The following ICA1 variants were observed in gnomAD, a reference collection of about 807,000 sequenced individuals.
ICA1 encodes the protein 69 kDa islet cell autoantigen.
In ICA1, 40 loss-of-function variants were observed where a neutral mutation model predicts 71.0. The observed-to-expected ratio is 0.56, with a 90% CI of 0.44 to 0.73. The LOEUF is 0.73. Among genes scored for constraint, ICA1 ranks in the 30% least tolerant of loss-of-function variants. ICA1 has a pLI of 0.00. For synonymous variants in ICA1, 207 were observed against 209.5 expected (o/e 0.99, Z 0.10); for missense variants, 578 against 576.5 (o/e 1.00, Z -0.03).
intron 1 of ICA1, among the ~76,000 whole-genome samples, chr7:8,260,066 A>G (rs1272281949): frequency 6.6e-6 from 1 of 152,120 alleles, no homozygotes; most frequent in Non-Finnish European, 1.5e-5. Context: ...TCAACCAACG[A>G]AGAGGAAAAA....
chr7:8,246,069 C>T lies in ICA1; in HGVS notation c.-79-10064G>A, dbSNP rs576788353. On this transcript the variant is annotated intron_variant, in intron 1 of 13. Transcript: ENST00000402384. ...TGCCACAAGGCCCTTATGAAACAAGCCCAGAAAGAATGGTGTCACATCTCC... is the reference window on the plus strand; with the variant it reads ...TGCCACAAGGCCCTTATGAAACAAGTCCAGAAAGAATGGTGTCACATCTCC... 3.5e-4 allele frequency among the ~76,000 whole-genome samples: 54 copies of T among 152,254 alleles called. 1 individual carries two copies. The highest frequency in any genetic ancestry group is 3.2e-3 in the Admixed American group (49 of 15,302).
chr7:8,233,255 C>T (rs1800820348), intron 2 of ICA1, among the ~76,000 whole-genome samples: 1 of 152,160 alleles, frequency 6.6e-6, no homozygotes, highest in Non-Finnish European at 1.5e-5. Context: ...CTCACAGAAG[C>T]AGAGAGTAGA....
chr7:8,142,037 G>C, intron 9 of ICA1: 1 of 1,453,544 alleles, frequency 6.9e-7, no homozygotes, highest in Non-Finnish European at 9.2e-7. Context: ...TCATCTCGAG[G>C]CAAATATTCT....
At position 8,218,513 on chromosome 7, in the gene ICA1, A is replaced by G; in HGVS notation, c.381-10T>C. The G allele has an allele frequency of 1.9e-6, 3 of 1,613,412 alleles. No homozygotes were observed. Among genetic ancestry groups the G allele is most frequent in the Non-Finnish European group, 2.5e-6 (3 of 1,179,384 alleles). On this transcript the variant is annotated splice_polypyrimidine_tract_variant and intron_variant, in intron 5 of 13. Coordinates refer to ENST00000402384, the MANE Select transcript of ICA1 (RefSeq NM_001136020.3). ...ATTTCGTAAGGCCAACCTAGACAAG[A>G]GGACAAAGCCACACTCTCAAAACTA... is the stretch of plus-strand genomic sequence containing the variant.
At chr7:8,209,044 AC>A (rs1256547552) in intron 6 of ICA1, among the ~76,000 whole-genome samples, 9 of 152,202 alleles carry the variant, frequency 5.9e-5, no homozygotes, top group Non-Finnish European at 1.3e-4. Context: ...TGCATGTGCC[AC>A]CCAATACACC....
Position 8,157,697 on chromosome 7 carries a change from T to TTTC in ICA1, c.706-484_706-483insGAA, listed in dbSNP as rs1282391520. The TTTC allele has an allele frequency of 6.6e-4, 91 of 137,624 alleles. 11 individuals are homozygous for TTTC. Among genetic ancestry groups the TTTC allele is most frequent in the African/African-American group, 1.3e-3 (46 of 36,210 alleles). The allele number at this position is 137,624 out of a possible 1,614,324, so 8.5% of individuals were successfully genotyped here. A position where few individuals can be genotyped will look rare whatever the true frequency, so the allele number is the denominator to read the frequency against. On this transcript the variant is annotated intron_variant, in intron 7 of 13. Transcript: ENST00000402384. ...TGAAGACAAGGAACCTAGTCTTAAT[T>TTTC]TTTTTTTTTTTTTTTGAGATGGAGT...
In ICA1 at chr7:8,128,018, G is replaced by T; in HGVS notation, c.1185C>A (p.Ala395=). Residue 395 remains alanine, a synonymous_variant, in exon 13 of 14, where the codon GCC becomes GCA. Coordinates refer to ENST00000402384, the MANE Select transcript of ICA1 (RefSeq NM_001136020.3). ...LEEGEFSKEW[A]AVFGDGQVKE... ...TCACTTGGCCGTCTCCAAACACAGC[G>T]GCCCACTCTTTGCTGAACTCGCCCT... 6.2e-7 allele frequency: 1 copy of T among 1,614,152 alleles called. No individual in the cohort carries two copies. Among genetic ancestry groups the T allele is most frequent in the Non-Finnish European group, 8.5e-7 (1 of 1,180,036 alleles).
intron 6 of ICA1, among the ~76,000 whole-genome samples, chr7:8,214,952 C>T (rs937822994): frequency 6.6e-6 from 1 of 152,214 alleles, no homozygotes; most frequent in Admixed American, 6.5e-5. Flanking sequence ...ACCACGGAAT[C>T]TGGTAGAGGT....
chr7:8,187,671 T>C (rs749068450), intron 6 of ICA1, among the ~76,000 whole-genome samples: 4 of 152,246 alleles, frequency 2.6e-5, no homozygotes, highest in African/African-American at 4.8e-5. Context: ...GTAATAATTC[T>C]TGTCATAAAG....
At chr7:8,161,682 T>G (rs560548480) in intron 6 of ICA1, among the ~76,000 whole-genome samples, 2 of 152,180 alleles carry the variant, frequency 1.3e-5, no homozygotes, top group Admixed American at 1.3e-4. Context: ...GAGAGACCAG[T>G]TGTCCCAGCA....
intron 2 of ICA1, among the ~76,000 whole-genome samples, 176 bp from the exon 3 acceptor site, chr7:8,232,931 C>T (rs1053078962): frequency 3.9e-5 from 6 of 152,210 alleles, no homozygotes; most frequent in African/African-American, 1.4e-4. Flanking sequence ...TCAACTCTTT[C>T]TGACTCAAAA....
At chr7:8,191,245 C>G (rs1374885481) in intron 6 of ICA1, among the ~76,000 whole-genome samples, 3 of 152,154 alleles carry the variant, frequency 2.0e-5, no homozygotes, top group Admixed American at 2.0e-4. Flanking sequence ...GCACATAATT[C>G]TAATTATATC....
intron 8 of ICA1, 184 bp downstream of exon 8, chr7:8,156,929 TAAA>T: frequency 2.4e-5 from 36 of 1,519,156 alleles, no homozygotes; most frequent in South Asian, 8.9e-5. Context: ...CCTGATGCAG[TAAA>T]AAAAAAAAAA....
At chr7:8,155,337 T>C (rs1277263420) in intron 8 of ICA1, among the ~76,000 whole-genome samples, 1 of 152,222 alleles carries the variant, frequency 6.6e-6, no homozygotes, top group Non-Finnish European at 1.5e-5. Flanking sequence ...TGTCAAACTT[T>C]CACTAAATTC....
In ICA1 at chr7:8,130,686, A is replaced by G. The variant is rs1407888711; in HGVS notation, c.1061-2544T>C. Among the ~76,000 whole-genome samples, 2 of 152,166 alleles carry G rather than the reference A, an allele frequency of 1.3e-5. No individual in the cohort carries two copies. The highest frequency in any genetic ancestry group is 1.3e-4 in the Admixed American group (2 of 15,278). On this transcript the variant is annotated intron_variant, in intron 12 of 13. Coordinates refer to ENST00000402384, the MANE Select transcript of ICA1 (RefSeq NM_001136020.3). The surrounding 1 kb of genome is among the most constrained non-coding windows in gnomAD (Gnocchi z 4.2). ...CAGTCGCTTTATACAGCCCTCCACT[A>G]AGTCAAACCCTCAGGGAGGCTTCAC... is the stretch of plus-strand genomic sequence containing the variant.
At chr7:8,143,818 C>T (rs997122175) in intron 9 of ICA1, 57 bp downstream of exon 9, 1 of 1,139,090 alleles carries the variant, frequency 8.8e-7, no homozygotes, top group African/African-American at 1.5e-5. Context: ...TCAGCGAGAA[C>T]CACATAACTC....
In ICA1 at chr7:8,223,879, A is replaced by C. The variant is rs1797843885; in HGVS notation, c.257-2481T>G. On this transcript the variant is annotated intron_variant, in intron 4 of 13. Transcript: ENST00000402384. The surrounding 1 kb of genome is among the most constrained non-coding windows in gnomAD (Gnocchi z 4.1). The stretch of plus-strand genomic sequence containing the variant: ...AAAAACATTTTTATATTTACTTGCT[A>C]ATTAGGTTTTCAGATGTGCCGTTAA... Among the ~76,000 whole-genome samples, 1 of 152,198 alleles carries C rather than the reference A, an allele frequency of 6.6e-6. No homozygotes were observed. The highest frequency in any genetic ancestry group is 2.4e-5 in the African/African-American group (1 of 41,458).
At chr7:8,259,901 G>C (rs1183481032) in intron 1 of ICA1, among the ~76,000 whole-genome samples, 2 of 152,136 alleles carry the variant, frequency 1.3e-5, no homozygotes, top group African/African-American at 4.8e-5. Context: ...GTGGGGTTGG[G>C]GGATAAGATT....
At position 8,196,701 on chromosome 7, in the gene ICA1, T is replaced by C. The variant is rs553445974; in HGVS notation, c.579+21604A>G. ...GGGAAGCTAAAAATTGCTCTTAAAA[T>C]AGTCTATTAACTTTACATATAATAT... On this transcript the variant is annotated intron_variant, in intron 6 of 13. Coordinates refer to ENST00000402384, the MANE Select transcript of ICA1 (RefSeq NM_001136020.3). 3.4e-4 allele frequency among the ~76,000 whole-genome samples: 52 copies of C among 152,270 alleles called. 2 individuals are homozygous for C.
Sources: gnomAD v4.1 joint callset for allele counts (sites outside exome capture counted in the v4.1 genomes callset) on GRCh38, gnomAD v4.1.1 for gene constraint, Gnocchi (gnomAD v3.1) non-coding constraint, MANE v1.5 for transcripts, NCBI Gene and HGNC (gene_info 2026-07-23, HGNC 2026-07-21) for gene names.